CHEK1: variants seen among roughly 807,000 people sequenced by gnomAD.
CHEK1 encodes serine/threonine-protein kinase Chk1.
Under a neutral mutation model 60.2 loss-of-function variants are expected in CHEK1, and 32 were observed. The observed-to-expected ratio is 0.53, with a 90% CI of 0.40 to 0.71. The LOEUF (loss-of-function observed/expected upper bound fraction) is 0.71, where lower values mean the gene tolerates loss of function less well. Ranked by LOEUF, CHEK1 falls within the 30% of genes least tolerant of loss-of-function variation. The pLI is 0.00. For missense variants in CHEK1, 399 were observed against 564.6 expected, an observed-to-expected ratio of 0.71 and a Z score of 2.97; for synonymous variants, 179 against 187.2, an observed-to-expected ratio of 0.96 and a Z score of 0.36.
At position 125,633,998 on chromosome 11, in the gene CHEK1, G is replaced by GTT. The variant is rs10626345; in HGVS notation, c.613+663_613+664dup. ...GAGAGCAGAAGCAAGCTCTATTGTG[G>GTT]TTTTTTTTTTTTTTTTTAGACCAGA... On this transcript the variant is annotated intron_variant, in intron 6 of 12. Transcript: ENST00000438015. Among the ~76,000 whole-genome samples, 107 of 126,954 alleles carry GTT rather than the reference G, an allele frequency of 8.4e-4. 15 individuals carry two copies. The highest frequency in any genetic ancestry group is 8.0e-4 in the Non-Finnish European group (50 of 62,358). The allele number at this position is 126,954 out of a possible 152,430, so 83.3% of individuals were successfully genotyped here. A position where few individuals can be genotyped will look rare whatever the true frequency, so the allele number is the denominator to read the frequency against.
Position 125,655,273 on chromosome 11 carries a change from C to G in CHEK1, c.1384C>G (p.Leu462Val), listed in dbSNP as rs1439749537. 1 of 1,613,734 alleles carries G rather than the reference C, an allele frequency of 6.2e-7. No homozygotes were observed. Among genetic ancestry groups the G allele is most frequent in the Non-Finnish European group, 8.5e-7 (1 of 1,179,702 alleles). The change falls in exon 13 of 13, where the codon CTG becomes GTG. Residue 462 changes from leucine to valine, a missense_variant. Physicochemically the swap from Leu to Val is conservative, Grantham distance 32. Transcript: ENST00000438015. Reference protein sequence around the residue: ...KRHFLKIKGKLIDIVSSQKIW... With the variant: ...KRHFLKIKGKVIDIVSSQKIW... ...ACACTTCCTGAAGATTAAAGGGAAG[C>G]TGATTGATATTGTGAGCAGCCAGAA...
At chr11:125,641,257 C>G (rs1440275100) in intron 8 of CHEK1, among the ~76,000 whole-genome samples, 3 of 152,098 alleles carry the variant, frequency 2.0e-5, no homozygotes, top group African/African-American at 7.2e-5. Flanking sequence ...ACACTTTCTT[C>G]ATTTGGCTTC....
At chr11:125,661,046 G>C (rs555981963), downstream of CHEK1, among the ~76,000 whole-genome samples, 9 of 152,198 alleles carry the variant, frequency 5.9e-5, no homozygotes, top group East Asian at 1.4e-3. Context: ...CAAGTGCTGG[G>C]ATTACAAGCG....
rs1487870567 is a variant in CHEK1, at chr11:125,625,642, G to C, written c.-391G>C. 6 of 595,168 alleles carry C rather than the reference G, an allele frequency of 1.0e-5. No homozygotes were observed. In the East Asian group the frequency reaches 1.4e-4, roughly 14 times the overall value. The allele number at this position is 595,168 out of a possible 1,614,324, so 36.9% of individuals were successfully genotyped here. Reference sequence around the variant, plus strand: ...CCCCGCCTGGAAGCGCAGCGCGGTCGGTCGCGCGCCCCTGAGGCTTGGAGG... The same window carrying C: ...CCCCGCCTGGAAGCGCAGCGCGGTCCGTCGCGCGCCCCTGAGGCTTGGAGG... On this transcript the variant is annotated 5_prime_UTR_variant, in exon 1 of 13. Coordinates refer to ENST00000438015, the MANE Select transcript of CHEK1 (RefSeq NM_001114122.3).
chr11:125,661,927 C>A (rs1292164408), downstream of CHEK1, among the ~76,000 whole-genome samples: 1 of 152,132 alleles, frequency 6.6e-6, no homozygotes, highest in Non-Finnish European at 1.5e-5. Flanking sequence ...ACTCAGTTTT[C>A]CCCACTGGTA....
intron 13 of CHEK1, among the ~76,000 whole-genome samples, chr11:125,664,947 T>G (rs1031836550): frequency 8.5e-5 from 13 of 152,144 alleles, no homozygotes; most frequent in African/African-American, 2.9e-4. Context: ...CAGTTGATTT[T>G]TGTGTGTGTG....
chr11:125,667,613 C>T (rs1258210813), intron 13 of CHEK1, among the ~76,000 whole-genome samples: 1 of 152,038 alleles, frequency 6.6e-6, no homozygotes, highest in African/African-American at 2.4e-5. Context: ...CTGGCTAGGA[C>T]TTCCAGTACT....
downstream of CHEK1, among the ~76,000 whole-genome samples, chr11:125,661,300 A>AT (rs572702633): frequency 6.6e-6 from 1 of 151,108 alleles, no homozygotes; most frequent in African/African-American, 2.4e-5. Context: ...GCCTTAAAAA[A>AT]TTTTTTTTCT....
At chr11:125,677,459 G>A (rs997830698), downstream of CHEK1, among the ~76,000 whole-genome samples, 3 of 152,174 alleles carry the variant, frequency 2.0e-5, no homozygotes, top group Non-Finnish European at 4.4e-5. Context: ...GCTAATGAAG[G>A]TTAGTCTTCA....
chr11:125,677,706 CT>C, downstream of CHEK1: 1 of 1,526,070 alleles, frequency 6.6e-7, no homozygotes, highest in East Asian at 2.3e-5. Flanking sequence ...ATTCTTTCTT[CT>C]GCACTCCTTC....
At chr11:125,658,576 C>G (rs2136073839), downstream of CHEK1, among the ~76,000 whole-genome samples, 1 of 151,132 alleles carries the variant, frequency 6.6e-6, no homozygotes, top group East Asian at 1.9e-4. Context: ...GACCTTTCCT[C>G]TGTCTATTGT....
chr11:125,658,192 C>T (rs963412204), downstream of CHEK1, among the ~76,000 whole-genome samples: 12 of 152,272 alleles, frequency 7.9e-5, no homozygotes, highest in Admixed American at 6.5e-4. Context: ...CCTCAGCCTC[C>T]CAAGTAACTG....
At chr11:125,671,161 G>C (rs1449365510) in intron 13 of CHEK1, among the ~76,000 whole-genome samples, 1 of 152,074 alleles carries the variant, frequency 6.6e-6, no homozygotes, top group Non-Finnish European at 1.5e-5. Context: ...CCAAAGCACT[G>C]GGATTACAAG....
At chr11:125,648,200 T>C (rs552420749) in intron 11 of CHEK1, among the ~76,000 whole-genome samples, 195 of 152,280 alleles carry the variant, frequency 1.3e-3, no homozygotes, top group Non-Finnish European at 1.8e-3. Flanking sequence ...ATGAATTTTG[T>C]ATATTGATCT....
intron 8 of CHEK1, among the ~76,000 whole-genome samples, chr11:125,639,862 G>A (rs1300317751): frequency 1.3e-5 from 2 of 152,074 alleles, no homozygotes; most frequent in Admixed American, 1.3e-4. Context: ...CTGGATGTAA[G>A]CCAGGTCTTT....
At chr11:125,636,364 TTTG>T (rs2136000517) in intron 7 of CHEK1, among the ~76,000 whole-genome samples, 1 of 152,266 alleles carries the variant, frequency 6.6e-6, no homozygotes, top group African/African-American at 2.4e-5. Flanking sequence ...TTTTAATCAC[TTTG>T]TTGGAGATTT....
In CHEK1 at chr11:125,674,826, A is replaced by G. The variant is rs530430816; in HGVS notation, c.*28-1102A>G. ...AAATAAAGGAGAACTATTAAATTCA[A>G]ACTCTTTTTAACTGACACTGAAGCT... On this transcript the variant is annotated intron_variant, in intron 13 of 13. Coordinates refer to the CHEK1 transcript ENST00000428830. Among the ~76,000 whole-genome samples the G allele has an allele frequency of 3.3e-4, 50 of 152,334 alleles. No individual in the cohort carries two copies. In the South Asian group the frequency reaches 0.01, roughly 32 times the overall value.
At chr11:125,631,861 CAAAAAAAAAAAA>C (rs57281904) in intron 5 of CHEK1, among the ~76,000 whole-genome samples, 64 of 51,378 alleles carry the variant, frequency 1.2e-3, no homozygotes, top group South Asian at 8.1e-3. Context: ...GACACTTTCT[CAAAAAAAAAAAA>C]AAAAAAAAAA....
downstream of CHEK1, among the ~76,000 whole-genome samples, chr11:125,661,116 CAT>C (rs1428033955): frequency 1.3e-5 from 2 of 152,062 alleles, no homozygotes; most frequent in Non-Finnish European, 2.9e-5. Context: ...TTTTCTAAAT[CAT>C]ATAAAATGTC....
Sources: allele counts gnomAD v4.1 joint callset (sites outside exome capture counted in the v4.1 genomes callset), GRCh38; gene constraint gnomAD v4.1.1; transcripts MANE v1.5; gene names NCBI Gene and HGNC (gene_info 2026-07-23, HGNC 2026-07-21).